GOLM2: variants seen among roughly 807,000 people sequenced by gnomAD.
The protein encoded by GOLM2 is golgi membrane protein 2.
In GOLM2, 26 loss-of-function variants were observed where a neutral mutation model predicts 55.9. The observed-to-expected ratio is 0.47, with a 90% CI of 0.34 to 0.65. GOLM2 has a LOEUF of 0.65. GOLM2 is among the 30% of genes least tolerant of loss of function. The pLI, the probability that GOLM2 is intolerant of heterozygous loss-of-function variation, is 0.01. For synonymous variants in GOLM2, 165 were observed against 194.6 expected (o/e 0.85, Z 1.27); for missense variants, 486 against 531.8 (o/e 0.91, Z 0.85).
intron 7 of GOLM2, 52 bp downstream of exon 7, chr15:44,379,840 T>C: frequency 1.0e-6 from 1 of 990,094 alleles, no homozygotes; most frequent in Non-Finnish European, 1.6e-6. Context: ...ACTAGTCATG[T>C]ACAGTTATAT....
At chr15:44,374,257 C>T (rs896540211) in intron 6 of GOLM2, among the ~76,000 whole-genome samples, 5 of 152,040 alleles carry the variant, frequency 3.3e-5, no homozygotes, top group African/African-American at 4.8e-5. Context: ...GTGATAAATA[C>T]ATTTTATTAT....
intron 1 of GOLM2, among the ~76,000 whole-genome samples, chr15:44,310,501 C>CA (rs1491539229): frequency 1.5e-4 from 21 of 141,238 alleles, no homozygotes; most frequent in African/African-American, 4.3e-4. Context: ...CACACACACA[C>CA]CCACACACAC....
intron 8 of GOLM2, among the ~76,000 whole-genome samples, chr15:44,401,928 C>G (rs547354533): frequency 6.6e-6 from 1 of 151,052 alleles, no homozygotes; most frequent in African/African-American, 2.4e-5. Context: ...CTCCCGGGCT[C>G]AAGCAATTCT....
chr15:44,377,404 T>A (rs2141190894), intron 6 of GOLM2, among the ~76,000 whole-genome samples: 1 of 152,202 alleles, frequency 6.6e-6, no homozygotes, highest in Admixed American at 6.5e-5. Context: ...TCCTTGTGAC[T>A]CTGCAACCCA....
At chr15:44,296,428 A>T (rs1300001048) in intron 1 of GOLM2, among the ~76,000 whole-genome samples, 1 of 152,154 alleles carries the variant, frequency 6.6e-6, no homozygotes, top group East Asian at 1.9e-4. Context: ...CCCTTTAACA[A>T]CCATAATTTT....
At chr15:44,405,536 C>A (rs1049539713) in intron 9 of GOLM2, 2 of 151,678 alleles carry the variant, frequency 1.3e-5, no homozygotes, top group African/African-American at 4.8e-5. Context: ...TCCAGGGATC[C>A]TTTTTTTTAA....
At chr15:44,361,627 A>G (rs1198541844) in intron 6 of GOLM2, among the ~76,000 whole-genome samples, 2 of 151,874 alleles carry the variant, frequency 1.3e-5, no homozygotes, top group African/African-American at 4.8e-5. Context: ...ACAAGGAGGA[A>G]CTGGTACCAT....
intron 1 of GOLM2, among the ~76,000 whole-genome samples, chr15:44,310,522 A>G (rs988710762): frequency 4.0e-5 from 6 of 149,796 alleles, no homozygotes; most frequent in Non-Finnish European, 7.4e-5. Flanking sequence ...ACACACACAC[A>G]CACATACATA....
intron 8 of GOLM2, among the ~76,000 whole-genome samples, chr15:44,385,270 C>A (rs1010572600): frequency 3.4e-4 from 52 of 152,144 alleles, no homozygotes; most frequent in African/African-American, 1.2e-3. Flanking sequence ...TCCACAATAG[C>A]TGTACCATTT....
chr15:44,348,311 G>A (rs1188159955), intron 6 of GOLM2, among the ~76,000 whole-genome samples: 2 of 151,048 alleles, frequency 1.3e-5, no homozygotes, highest in African/African-American at 4.9e-5. Flanking sequence ...CTAGAAGGGA[G>A]CCTGTTGCTC....
chr15:44,397,478 CAAAAAAA>C lies in GOLM2; in HGVS notation c.1073-5391_1073-5385del, dbSNP rs1007948393. On this transcript the variant is annotated intron_variant, in intron 8 of 9. Transcript: ENST00000299957. ...TGGGTGACAGAGCGAGACTCCGTCT[CAAAAAAA>C]AAAAAAAAAAAAAAAAACAAAACCA... Among the ~76,000 whole-genome samples the C allele has an allele frequency of 1.2e-4, 4 of 32,560 alleles. No individual in the cohort carries two copies. The East Asian group carries it at 4.3e-3, about 35-fold the overall frequency. The allele number at this position is 32,560 out of a possible 152,430, so 21.4% of individuals were successfully genotyped here. A position where few individuals can be genotyped will look rare whatever the true frequency, so the allele number is the denominator to read the frequency against.
At chr15:44,380,735 A>G in intron 7 of GOLM2, 71 bp from the exon 8 acceptor site, 1 of 1,140,268 alleles carries the variant, frequency 8.8e-7, no homozygotes, top group South Asian at 3.3e-5. Context: ...TCTAAAGCAG[A>G]TCTTGTGAAA....
In GOLM2 at chr15:44,337,820, G is replaced by A. The variant is rs754783446; in HGVS notation, c.634G>A (p.Val212Ile). The A allele has an allele frequency of 6.2e-7, 1 of 1,604,588 alleles. No homozygotes were observed. Among genetic ancestry groups the A allele is most frequent in the African/African-American group, 1.3e-5 (1 of 74,410 alleles). The change falls in exon 5 of 10, where the codon GTA (valine) becomes ATA (isoleucine). Residue 212 changes from valine (V) to isoleucine (I), a missense_variant. Coordinates refer to ENST00000299957, the MANE Select transcript of GOLM2 (RefSeq NM_138423.4). ...DGKELDINNQ[V>I]VPKNIPKVAE... ...AAAGGAATTGGATATAAACAATCAA[G>A]TAGTACCTAAAAATATTCCAAAAGT...
At chr15:44,393,587 A>T (rs551611307) in intron 8 of GOLM2, among the ~76,000 whole-genome samples, 2 of 152,280 alleles carry the variant, frequency 1.3e-5, no homozygotes, top group East Asian at 3.9e-4. Context: ...CCACTATCAG[A>T]TATGAAGATT....
At chr15:44,319,534 A>G (rs2078934886) in intron 1 of GOLM2, among the ~76,000 whole-genome samples, 1 of 151,302 alleles carries the variant, frequency 6.6e-6, no homozygotes. Context: ...AGTTTCCTGT[A>G]TGATACCCCA....
intron 1 of GOLM2, among the ~76,000 whole-genome samples, chr15:44,309,598 G>A (rs906117418): frequency 1.3e-5 from 2 of 152,082 alleles, no homozygotes; most frequent in African/African-American, 2.4e-5. Context: ...GTCAAATTTA[G>A]CAGTGGGACT....
intron 6 of GOLM2, among the ~76,000 whole-genome samples, chr15:44,373,353 A>T (rs1188002630): frequency 6.6e-6 from 1 of 151,724 alleles, no homozygotes; most frequent in Non-Finnish European, 1.5e-5. Flanking sequence ...GCTACTCGGG[A>T]GGCTGAGGCA....
chr15:44,314,051 C>T (rs980523433), intron 1 of GOLM2, among the ~76,000 whole-genome samples: 9 of 151,974 alleles, frequency 5.9e-5, no homozygotes, highest in African/African-American at 1.4e-4. Flanking sequence ...TCTTGGCTAA[C>T]ACAGTGAAAC....
chr15:44,407,181 AT>A (rs969201004), intron 9 of GOLM2, among the ~76,000 whole-genome samples: 1 of 146,446 alleles, frequency 6.8e-6, no homozygotes, highest in Non-Finnish European at 1.5e-5. Flanking sequence ...TATTTATAAC[AT>A]ATTTCTATTA....
Sources: allele counts gnomAD v4.1 joint callset (sites outside exome capture counted in the v4.1 genomes callset), GRCh38; gene constraint gnomAD v4.1.1; transcripts MANE v1.5; gene names NCBI Gene and HGNC (gene_info 2026-07-23, HGNC 2026-07-21).